The following NPC1 variants were observed in gnomAD, a reference collection of about 807,000 sequenced individuals.
The protein encoded by NPC1 is Niemann-Pick C1 protein.
A neutral mutation model predicts 140.4 loss-of-function variants in NPC1; 85 were observed. The ratio of observed to expected loss-of-function variants is 0.61; its 90% CI spans 0.51 to 0.72. The LOEUF (loss-of-function observed/expected upper bound fraction) is 0.72, where lower values mean the gene tolerates loss of function less well. Ranked by LOEUF, NPC1 falls within the 30% of genes least tolerant of loss-of-function variation. The pLI is 0.00. For synonymous variants in NPC1, 656 were observed against 624.8 expected, an observed-to-expected ratio of 1.05 and a Z score of -0.74; for missense variants, 1,504 against 1,623.8, an observed-to-expected ratio of 0.93 and a Z score of 1.27.
At chr18:23,547,913 G>T in intron 11 of NPC1, 93 bp downstream of exon 11, 1 of 823,916 alleles carries the variant, frequency 1.2e-6, no homozygotes, top group Non-Finnish European at 2.2e-6. Context: ...ATCTGCCATT[G>T]GTTAATTTAG....
At chr18:23,544,125 A>C (rs905161332) in intron 13 of NPC1, among the ~76,000 whole-genome samples, 17 of 152,218 alleles carry the variant, frequency 1.1e-4, no homozygotes, top group African/African-American at 3.9e-4. Flanking sequence ...AATTTAAAAC[A>C]CAATTCTTAC....
In NPC1 at chr18:23,533,635, T is replaced by G. The variant is rs2058576935; in HGVS notation, c.3592-118A>C. On this transcript the variant is annotated intron_variant, in intron 23 of 24. Coordinates refer to ENST00000269228, the MANE Select transcript of NPC1 (RefSeq NM_000271.5). The stretch of plus-strand genomic sequence containing the variant: ...GATTCTCCTGCCCCAGCCTCCTGAG[T>G]AGCTGGGATTAAACAGGTGCACGCC... 5.0e-6 allele frequency: 5 copies of G among 1,000,988 alleles called. No individual in the cohort carries two copies. The East Asian group carries it at 1.2e-4, about 24-fold the overall frequency. 62.0% of individuals were successfully genotyped at this position (1,000,988 alleles called of 1,614,324 possible).
chr18:23,540,072 G>A (rs1337440016), intron 17 of NPC1, 71 bp from the exon 18 acceptor site: 15 of 1,335,828 alleles, frequency 1.1e-5, no homozygotes, highest in African/African-American at 7.2e-5. Context: ...CGAGGATCAT[G>A]GAGAATAAGA....
chr18:23,554,885 T>C lies in NPC1; in HGVS notation c.1426A>G (p.Asn476Asp). ...DICLAPLSPY[N>D]TNCTILSVLN... ...ACACTCAAAATGGTGCAGTTCGTGT[T>C]ATACGGTGAAAGAGGGGCCAAGCAG... The change falls in exon 9 of 25, where the codon AAC (asparagine) becomes GAC (aspartate). Residue 476 changes from asparagine to aspartate, a missense_variant. Coordinates refer to ENST00000269228, the MANE Select transcript of NPC1 (RefSeq NM_000271.5). 3.1e-6 allele frequency: 5 copies of C among 1,614,160 alleles called. No individual in the cohort carries two copies. The highest frequency in any genetic ancestry group is 4.2e-6 in the Non-Finnish European group (5 of 1,179,994).
downstream of NPC1, among the ~76,000 whole-genome samples, chr18:23,526,329 A>G (rs1436881268): frequency 6.6e-6 from 1 of 152,238 alleles, no homozygotes; most frequent in African/African-American, 2.4e-5. Flanking sequence ...GGTCTAGGGA[A>G]GTCCCCGTTT....
chr18:23,531,111 C>G (rs1046414472), downstream of NPC1, among the ~76,000 whole-genome samples: 1 of 152,084 alleles, frequency 6.6e-6, no homozygotes, highest in African/African-American at 2.4e-5. Flanking sequence ...CTGCCTCAGC[C>G]TCCTGAGTAG....
chr18:23,562,893 G>A (rs536926473), intron 4 of NPC1, among the ~76,000 whole-genome samples: 6 of 152,130 alleles, frequency 3.9e-5, no homozygotes, highest in Admixed American at 6.5e-5. Context: ...ATAATTACAT[G>A]TAATTTACAA....
chr18:23,524,561 T>C, downstream of NPC1: 1 of 1,432,264 alleles, frequency 7.0e-7, no homozygotes, highest in East Asian at 2.3e-5. Context: ...AGGGACGTTT[T>C]CAAGGTGAAT....
chr18:23,521,164 T>C (rs1482347881), downstream of NPC1, among the ~76,000 whole-genome samples: 1 of 152,204 alleles, frequency 6.6e-6, no homozygotes, highest in Non-Finnish European at 1.5e-5. Context: ...CTGTTCTAGT[T>C]TTTTAAAAAA....
chr18:23,584,501 A>G lies in NPC1; in HGVS notation c.57+1786T>C, dbSNP rs371393613. Among the ~76,000 whole-genome samples the G allele has an allele frequency of 3.0e-4, 46 of 152,358 alleles. 1 individual carries two copies. The East Asian group carries it at 8.1e-3, about 27-fold the overall frequency. On this transcript the variant is annotated intron_variant, in intron 1 of 24. Transcript: ENST00000269228. Reference sequence around the variant, plus strand: ...AAACCTCTGACCTATCCCAAATGTCATAAAAGAAGCACTCATTGGCCATCA... The same window carrying G: ...AAACCTCTGACCTATCCCAAATGTCGTAAAAGAAGCACTCATTGGCCATCA...
At chr18:23,544,226 C>T (rs984908347) in intron 13 of NPC1, 118 bp downstream of exon 13, 2 of 972,034 alleles carry the variant, frequency 2.1e-6, no homozygotes, top group African/African-American at 1.6e-5. Context: ...ATGAGCCACA[C>T]AGGGAAAGGA....
intron 10 of NPC1, among the ~76,000 whole-genome samples, chr18:23,550,258 G>A (rs2058849583): frequency 1.3e-5 from 2 of 151,802 alleles, no homozygotes; most frequent in Non-Finnish European, 2.9e-5. Flanking sequence ...TGATGTGCTC[G>A]CCTCTGCCTC....
At position 23,572,146 on chromosome 18, in the gene NPC1, C is replaced by T; in HGVS notation, c.215G>A (p.Ser72Asn). Residue 72 changes from serine (S) to asparagine (N), a missense_variant, in exon 3 of 25, where the codon AGT becomes AAT. Ser to Asn is a conservative substitution (Grantham distance 46). Coordinates refer to ENST00000269228, the MANE Select transcript of NPC1 (RefSeq NM_000271.5). ...AAGCTGCCGAACATCACAACAGAGA[C>T]TGACATTGCCAAAGAAGAATCCTGG... Reference protein sequence around the residue: ...LCPGFFFGNVSLCCDVRQLQT... With the variant: ...LCPGFFFGNVNLCCDVRQLQT... The T allele has an allele frequency of 6.2e-7, 1 of 1,613,534 alleles. No homozygotes were observed. Among genetic ancestry groups the T allele is most frequent in the Non-Finnish European group, 8.5e-7 (1 of 1,179,656 alleles).
intron 1 of NPC1, among the ~76,000 whole-genome samples, chr18:23,584,138 T>C (rs957592089): frequency 1.3e-5 from 2 of 152,250 alleles, no homozygotes; most frequent in African/African-American, 4.8e-5. Context: ...TCTAGTAATG[T>C]TATTACATCA....
chr18:23,558,135 C>T (rs2058981708), intron 6 of NPC1, among the ~76,000 whole-genome samples: 3 of 152,148 alleles, frequency 2.0e-5, no homozygotes, highest in Admixed American at 2.0e-4. Context: ...ATCAGGCAAA[C>T]ACCTTAGTTA....
chr18:23,578,173 T>G (rs1329264916), intron 1 of NPC1, among the ~76,000 whole-genome samples: 1 of 152,252 alleles, frequency 6.6e-6, no homozygotes, highest in African/African-American at 2.4e-5. Flanking sequence ...CTCTGAGGAC[T>G]GCCAGCACGC....
At chr18:23,567,243 G>C (rs549855346) in intron 4 of NPC1, among the ~76,000 whole-genome samples, 2 of 152,170 alleles carry the variant, frequency 1.3e-5, no homozygotes, top group African/African-American at 2.4e-5. Context: ...ATCTTCCAAG[G>C]TGGCTGTACC....
chr18:23,556,225 C>T lies in NPC1; in HGVS notation c.1326+18G>A. 1.2e-6 allele frequency: 2 copies of T among 1,612,474 alleles called. No homozygotes were observed. Among genetic ancestry groups the T allele is most frequent in the Non-Finnish European group, 1.7e-6 (2 of 1,178,728 alleles). On this transcript the variant is annotated intron_variant, in intron 8 of 24. Transcript: ENST00000269228. ...CAAGGTCATCTAGAGTGACTTATTTCTTCAAACAGCAGGTTACCTGGTGCA... is the reference window on the plus strand; with the variant it reads ...CAAGGTCATCTAGAGTGACTTATTTTTTCAAACAGCAGGTTACCTGGTGCA...
intron 10 of NPC1, 159 bp downstream of exon 10, chr18:23,551,468 C>T: frequency 1.4e-6 from 1 of 725,460 alleles, no homozygotes; most frequent in Non-Finnish European, 2.5e-6. Flanking sequence ...GGAATGAAAC[C>T]CAAACCCAAA....
Sources: allele counts gnomAD v4.1 joint callset (sites outside exome capture counted in the v4.1 genomes callset), GRCh38; gene constraint gnomAD v4.1.1; transcripts MANE v1.5; gene names NCBI Gene and HGNC (gene_info 2026-07-23, HGNC 2026-07-21).